Variants in SNTB1 observed in about 807,000 individuals in gnomAD.
SNTB1 encodes syntrophin beta 1, also known as beta-1-syntrophin.
Under a neutral mutation model 48.9 loss-of-function variants are expected in SNTB1, and 36 were observed. The observed-to-expected ratio is 0.74, with a 90% CI of 0.56 to 0.97. SNTB1 has a LOEUF of 0.97. Among genes scored for constraint, SNTB1 ranks in the 50% least tolerant of loss-of-function variants. The probability of loss-of-function intolerance (pLI) is 0.00; values close to 1 mark genes in which losing one functional copy is unlikely to be tolerated. For synonymous variants in SNTB1, 299 were observed against 294.6 expected (o/e 1.01, Z -0.15); for missense variants, 786 against 703.4 (o/e 1.12, Z -1.33).
chr8:120,632,340 G>A (rs1424316190), intron 3 of SNTB1, 104 bp downstream of exon 3: 3 of 1,056,024 alleles, frequency 2.8e-6, no homozygotes, highest in Non-Finnish European at 4.2e-6. Context: ...CACACAGACT[G>A]TGAATGAGAG....
chr8:120,684,235 C>T lies in SNTB1; in HGVS notation c.788+9457G>A, dbSNP rs554009876. On this transcript the variant is annotated intron_variant, in intron 2 of 6. Coordinates refer to ENST00000517992, the MANE Select transcript of SNTB1 (RefSeq NM_021021.4). ...CCTAATCATCTTCCACAGGCCCCATCTCTTAATACTATTACAATGGAGAGG... is the reference window on the plus strand; with the variant it reads ...CCTAATCATCTTCCACAGGCCCCATTTCTTAATACTATTACAATGGAGAGG... Among the ~76,000 whole-genome samples the T allele has an allele frequency of 2.6e-5, 4 of 152,270 alleles. No homozygotes were observed. The East Asian group carries it at 5.8e-4, about 22-fold the overall frequency.
intron 1 of SNTB1, among the ~76,000 whole-genome samples, chr8:120,806,466 T>A (rs1346909341): frequency 1.3e-5 from 2 of 152,368 alleles, no homozygotes; most frequent in East Asian, 1.9e-4. Flanking sequence ...TATTGAAACA[T>A]GGTTTTTGTT....
rs114740751 is a variant in SNTB1, at chr8:120,568,212, C to G, written c.1136+6874G>C. On this transcript the variant is annotated intron_variant, in intron 4 of 6. Coordinates refer to ENST00000517992, the MANE Select transcript of SNTB1 (RefSeq NM_021021.4). ...ACAGCATCAGCCCAGCTTCCCACCT[C>G]AGAGAGCCACCTTTATCCACAAGGA... Among the ~76,000 whole-genome samples, 339 of 152,326 alleles carry G rather than the reference C, an allele frequency of 2.2e-3. 2 individuals are homozygous for G. Among genetic ancestry groups the G allele is most frequent in the African/African-American group, 7.8e-3 (326 of 41,572 alleles).
At chr8:120,620,842 A>G (rs146524093) in intron 3 of SNTB1, among the ~76,000 whole-genome samples, 4 of 152,114 alleles carry the variant, frequency 2.6e-5, no homozygotes, top group African/African-American at 7.2e-5. Context: ...GCCTCTTATG[A>G]GAATCCAACT....
At chr8:120,758,900 C>G (rs1055066389) in intron 1 of SNTB1, among the ~76,000 whole-genome samples, 4 of 152,104 alleles carry the variant, frequency 2.6e-5, no homozygotes, top group Admixed American at 1.3e-4. Context: ...CTAAGTCCAG[C>G]ATGGACCCTC....
chr8:120,552,322 G>C (rs933595973), intron 4 of SNTB1, among the ~76,000 whole-genome samples: 4 of 152,204 alleles, frequency 2.6e-5, no homozygotes, highest in East Asian at 3.8e-4. Flanking sequence ...TGAACAGGGA[G>C]AGCTTAATGG....
chr8:120,662,168 T>C (rs929472228), intron 2 of SNTB1, among the ~76,000 whole-genome samples: 2 of 152,114 alleles, frequency 1.3e-5, no homozygotes, highest in Non-Finnish European at 2.9e-5. Context: ...CACAAACAAA[T>C]AAATCAGCTA....
intron 6 of SNTB1, among the ~76,000 whole-genome samples, chr8:120,539,214 T>C (rs977534317): frequency 4.6e-5 from 7 of 152,204 alleles, no homozygotes; most frequent in African/African-American, 9.6e-5. Context: ...ACACCATAAA[T>C]ATTGATGTTG....
intron 1 of SNTB1, among the ~76,000 whole-genome samples, chr8:120,764,940 T>A (rs1440235119): frequency 1.3e-5 from 2 of 152,050 alleles, no homozygotes; most frequent in East Asian, 3.9e-4. Flanking sequence ...AAAAAAAAAC[T>A]CACAGCTGGG....
intron 1 of SNTB1, among the ~76,000 whole-genome samples, chr8:120,730,863 T>C (rs563657667): frequency 4.4e-4 from 67 of 152,246 alleles, no homozygotes; most frequent in African/African-American, 1.6e-3. Context: ...CTCACACCTA[T>C]AATCCCAGCA....
chr8:120,748,000 G>A (rs1236005176), intron 1 of SNTB1, among the ~76,000 whole-genome samples: 1 of 151,942 alleles, frequency 6.6e-6, no homozygotes, highest in Non-Finnish European at 1.5e-5. Context: ...GATATATTAT[G>A]CATTGCTAGT....
rs150359910 is a variant in SNTB1 at position 120,633,936 on chromosome 8, A to AT, written c.789-1286dup. The stretch of plus-strand genomic sequence containing the variant: ...CAATGTGAATGTATAGTTCTATGCC[A>AT]TTTTTTTCACGTGTAGATTTGTATA... On this transcript the variant is annotated intron_variant, in intron 2 of 6. Transcript: ENST00000517992. Among the ~76,000 whole-genome samples the AT allele has an allele frequency of 8.3e-3, 1,259 of 152,158 alleles. 14 individuals carry two copies. The highest frequency in any genetic ancestry group is 0.029 in the African/African-American group (1,187 of 41,506).
chr8:120,748,713 C>A (rs1257739712), intron 1 of SNTB1, among the ~76,000 whole-genome samples: 1 of 152,148 alleles, frequency 6.6e-6, no homozygotes, highest in Non-Finnish European at 1.5e-5. Flanking sequence ...CATTACCCAG[C>A]AAAAGACTAG....
chr8:120,773,299 G>A (rs917652291), intron 1 of SNTB1, among the ~76,000 whole-genome samples: 12 of 152,146 alleles, frequency 7.9e-5, no homozygotes, highest in Non-Finnish European at 1.8e-4. Context: ...AGGAAAAATT[G>A]TTTAAGCCCA....
intron 1 of SNTB1, among the ~76,000 whole-genome samples, chr8:120,710,532 C>T (rs1202769984): frequency 1.3e-5 from 2 of 152,162 alleles, no homozygotes; most frequent in Admixed American, 1.3e-4. Context: ...ATTTCATCCT[C>T]ATTATGATAG....
intron 1 of SNTB1, among the ~76,000 whole-genome samples, chr8:120,698,320 T>A (rs926878370): frequency 6.6e-6 from 1 of 152,080 alleles, no homozygotes; most frequent in African/African-American, 2.4e-5. Context: ...AGTCTTGAAA[T>A]CTCCAGAAAA....
At chr8:120,649,121 T>C (rs1438487168) in intron 2 of SNTB1, among the ~76,000 whole-genome samples, 12 of 150,052 alleles carry the variant, frequency 8.0e-5, no homozygotes, top group South Asian at 4.3e-4. Context: ...AATGTCCTCC[T>C]GTAGCTCAGA....
intron 1 of SNTB1, among the ~76,000 whole-genome samples, chr8:120,712,022 A>C (rs1157722231): frequency 6.6e-6 from 1 of 152,230 alleles, no homozygotes; most frequent in Non-Finnish European, 1.5e-5. Context: ...ATCATTTACA[A>C]ACATTAAGAC....
At chr8:120,640,363 C>T (rs1762820103) in intron 2 of SNTB1, among the ~76,000 whole-genome samples, 1 of 152,066 alleles carries the variant, frequency 6.6e-6, no homozygotes, top group Non-Finnish European at 1.5e-5. Flanking sequence ...AATTGAATAC[C>T]CTTTATTTCT....
Sources: gnomAD v4.1 joint callset for allele counts (sites outside exome capture counted in the v4.1 genomes callset) on GRCh38, gnomAD v4.1.1 for gene constraint, MANE v1.5 for transcripts, NCBI Gene and HGNC (gene_info 2026-07-23, HGNC 2026-07-21) for gene names.